Variants in KLHL1 observed in about 807,000 individuals in gnomAD.
KLHL1 encodes kelch-like protein 1.
In KLHL1, 47 loss-of-function variants were observed where a neutral mutation model predicts 77.7. The ratio of observed to expected loss-of-function variants is 0.60; its 90% CI spans 0.48 to 0.77. KLHL1 has a LOEUF of 0.77. Ranked by LOEUF, KLHL1 falls within the 30% of genes least tolerant of loss-of-function variation. The probability of loss-of-function intolerance (pLI) is 0.00; values close to 1 mark genes in which losing one functional copy is unlikely to be tolerated. For missense variants in KLHL1, 925 were observed against 910.8 expected (o/e 1.02, Z -0.20); for synonymous variants, 360 against 325.2 (o/e 1.11, Z -1.15).
At chr13:70,072,515 T>C (rs756052468) in intron 1 of KLHL1, among the ~76,000 whole-genome samples, 6 of 152,110 alleles carry the variant, frequency 3.9e-5, no homozygotes, top group Admixed American at 1.3e-4. Flanking sequence ...TCAATATCTG[T>C]CTTGTAGATA....
intron 4 of KLHL1, among the ~76,000 whole-genome samples, chr13:69,904,008 A>C (rs1376187132): frequency 6.6e-6 from 1 of 151,912 alleles, no homozygotes; most frequent in Non-Finnish European, 1.5e-5. Context: ...TATGTATTTA[A>C]AGAGACCCAC....
At position 69,713,916 on chromosome 13, in the gene KLHL1, G is replaced by C. The variant is rs1419639049; in HGVS notation, c.2015+5453C>G. ...AGTTCACTGTTAATTTTAACCCCAA[G>C]ACAGAGGAGAAAGCAGTCAGCACAA... On this transcript the variant is annotated intron_variant, in intron 9 of 10. Coordinates refer to ENST00000377844, the MANE Select transcript of KLHL1 (RefSeq NM_020866.3). Among the ~76,000 whole-genome samples the C allele has an allele frequency of 1.6e-4, 24 of 152,028 alleles. 1 individual carries two copies. The highest frequency in any genetic ancestry group is 1.6e-3 in the Admixed American group (24 of 15,248).
At chr13:69,904,366 G>A (rs1200405242) in intron 4 of KLHL1, among the ~76,000 whole-genome samples, 1 of 152,176 alleles carries the variant, frequency 6.6e-6, no homozygotes, top group East Asian at 1.9e-4. Flanking sequence ...GTATTTCAGC[G>A]AGATTTCTAT....
intron 4 of KLHL1, among the ~76,000 whole-genome samples, chr13:69,929,490 G>A (rs1253443512): frequency 6.6e-6 from 1 of 151,718 alleles, no homozygotes; most frequent in African/African-American, 2.4e-5. Context: ...GTTTAAAGAA[G>A]GACTTAATAA....
At chr13:69,959,619 A>T (rs1884002561) in intron 3 of KLHL1, among the ~76,000 whole-genome samples, 1 of 150,154 alleles carries the variant, frequency 6.7e-6, no homozygotes, top group East Asian at 2.0e-4. Context: ...AAGTCTTTTT[A>T]AAAACCTCTT....
At chr13:70,053,406 T>C (rs1442397761) in intron 1 of KLHL1, among the ~76,000 whole-genome samples, 3 of 152,044 alleles carry the variant, frequency 2.0e-5, no homozygotes, top group African/African-American at 7.2e-5. Context: ...CGGACAGCTC[T>C]GTGAGGAAGT....
At chr13:69,726,604 A>G (rs1474545919) in intron 8 of KLHL1, among the ~76,000 whole-genome samples, 1 of 152,168 alleles carries the variant, frequency 6.6e-6, no homozygotes, top group East Asian at 1.9e-4. Flanking sequence ...GAAGCCTGAT[A>G]GGGTCTACCT....
intron 5 of KLHL1, among the ~76,000 whole-genome samples, chr13:69,867,911 GTTAA>G (rs1257806680): frequency 6.6e-6 from 1 of 151,536 alleles, no homozygotes; most frequent in East Asian, 1.9e-4. Flanking sequence ...TAAATAACGA[GTTAA>G]TGGGTGCAGC....
At chr13:70,014,511 G>A (rs1885610066) in intron 1 of KLHL1, among the ~76,000 whole-genome samples, 2 of 152,004 alleles carry the variant, frequency 1.3e-5, no homozygotes, top group African/African-American at 4.8e-5. Context: ...AGAAATGACA[G>A]TTAAGAAAAT....
At chr13:69,993,081 A>G (rs868586004) in intron 1 of KLHL1, among the ~76,000 whole-genome samples, 5 of 152,004 alleles carry the variant, frequency 3.3e-5, no homozygotes, top group Non-Finnish European at 7.4e-5. Flanking sequence ...CTATATATAC[A>G]TATATAATTT....
intron 4 of KLHL1, among the ~76,000 whole-genome samples, chr13:69,933,314 G>C (rs543829701): frequency 6.6e-6 from 1 of 152,162 alleles, no homozygotes; most frequent in African/African-American, 2.4e-5. Context: ...TAATAGTCTT[G>C]AGAAAAATGT....
intron 3 of KLHL1, among the ~76,000 whole-genome samples, chr13:69,951,863 C>T (rs1018986276): frequency 6.6e-6 from 1 of 151,292 alleles, no homozygotes; most frequent in African/African-American, 2.4e-5. Context: ...ATTTCTTAGC[C>T]CCAGTGAACT....
intron 9 of KLHL1, among the ~76,000 whole-genome samples, chr13:69,717,151 T>C (rs981534027): frequency 8.5e-5 from 13 of 152,146 alleles, no homozygotes; most frequent in African/African-American, 2.7e-4. Context: ...ATAGTTTACA[T>C]TTCTATAGGA....
intron 8 of KLHL1, among the ~76,000 whole-genome samples, chr13:69,729,751 C>A (rs1311710485): frequency 6.6e-6 from 1 of 151,854 alleles, no homozygotes; most frequent in Non-Finnish European, 1.5e-5. Context: ...AAAAGCTCTA[C>A]TAACTCAATT....
intron 4 of KLHL1, among the ~76,000 whole-genome samples, chr13:69,900,228 A>G (rs1881807215): frequency 6.6e-6 from 1 of 152,202 alleles, no homozygotes; most frequent in South Asian, 2.1e-4. Flanking sequence ...TATTCCTTGG[A>G]AAAATGAACC....
chr13:69,927,706 A>C (rs1882862392), intron 4 of KLHL1, among the ~76,000 whole-genome samples: 1 of 152,272 alleles, frequency 6.6e-6, no homozygotes, highest in Admixed American at 6.5e-5. Flanking sequence ...ACGAAATACT[A>C]TTTTACACAT....
chr13:69,962,534 T>C lies in KLHL1; in HGVS notation c.681-1090A>G, dbSNP rs1884096849. Among the ~76,000 whole-genome samples the C allele has an allele frequency of 2.0e-5, 3 of 152,108 alleles. No individual in the cohort carries two copies. In the South Asian group the frequency reaches 6.2e-4, roughly 31 times the overall value. On this transcript the variant is annotated intron_variant, in intron 2 of 10. Coordinates refer to ENST00000377844, the MANE Select transcript of KLHL1 (RefSeq NM_020866.3). ...TTTTCTATATTAAGAGGAATGCATC[T>C]AAAGTTTCTCCCTTCAGTATGATGC...
chr13:69,939,416 GA>G (rs1446617915), intron 4 of KLHL1, among the ~76,000 whole-genome samples: 1 of 126,850 alleles, frequency 7.9e-6, no homozygotes, highest in Non-Finnish European at 1.6e-5. Context: ...GAATAAAAGG[GA>G]AAAATATAAA....
intron 1 of KLHL1, among the ~76,000 whole-genome samples, chr13:70,060,811 A>C (rs965684741): frequency 2.6e-5 from 4 of 151,550 alleles, no homozygotes; most frequent in African/African-American, 9.7e-5. Flanking sequence ...GCACCATTGC[A>C]CTCCAACCTG....
Sources: gnomAD v4.1 joint callset for allele counts (sites outside exome capture counted in the v4.1 genomes callset) on GRCh38, gnomAD v4.1.1 for gene constraint, MANE v1.5 for transcripts, NCBI Gene and HGNC (gene_info 2026-07-23, HGNC 2026-07-21) for gene names.